VAT1L: variants seen among roughly 807,000 people sequenced by gnomAD.
VAT1L encodes putative NADPH-dependent quinone oxidoreductase VAT1L.
VAT1L carries 34 observed loss-of-function variants against 44.1 expected under a neutral mutation model. The observed-to-expected ratio is 0.77, with a 90% CI of 0.59 to 1.03. VAT1L has a LOEUF of 1.03. Ranked by LOEUF, VAT1L falls within the 50% of genes least tolerant of loss-of-function variation. The pLI, the probability that VAT1L is intolerant of heterozygous loss-of-function variation, is 0.00. For missense variants in VAT1L, 615 were observed against 538.8 expected (o/e 1.14, Z -1.40); for synonymous variants, 253 against 202.2 (o/e 1.25, Z -2.13).
chr16:77,790,785 A>G (rs919559184), intron 1 of VAT1L, among the ~76,000 whole-genome samples: 5 of 152,244 alleles, frequency 3.3e-5, no homozygotes, highest in Non-Finnish European at 7.3e-5. Context: ...AGGAAAGAGC[A>G]TCATCTGCAG....
chr16:77,804,477 G>A (rs948543707), intron 1 of VAT1L, among the ~76,000 whole-genome samples: 1 of 152,164 alleles, frequency 6.6e-6, no homozygotes, highest in African/African-American at 2.4e-5. Flanking sequence ...CTACTGAGGT[G>A]TGTTTTGAAT....
intron 3 of VAT1L, among the ~76,000 whole-genome samples, chr16:77,844,461 T>C (rs950382647): frequency 6.6e-6 from 1 of 152,114 alleles, no homozygotes; most frequent in Non-Finnish European, 1.5e-5. Context: ...CAGACTGGAG[T>C]GCAGTGGCGC....
chr16:77,806,142 C>A (rs967510123), intron 1 of VAT1L, among the ~76,000 whole-genome samples: 7 of 151,782 alleles, frequency 4.6e-5, no homozygotes. Flanking sequence ...GGATTACAGG[C>A]CTGAGCCACA....
intron 4 of VAT1L, among the ~76,000 whole-genome samples, chr16:77,872,845 A>C (rs1043875207): frequency 3.3e-5 from 5 of 152,230 alleles, no homozygotes; most frequent in Non-Finnish European, 5.9e-5. Context: ...ACAACTCAGC[A>C]TGCACAGTGC....
At chr16:77,891,343 G>T (rs917541185) in intron 7 of VAT1L, among the ~76,000 whole-genome samples, 2 of 152,174 alleles carry the variant, frequency 1.3e-5, no homozygotes, top group Non-Finnish European at 2.9e-5. Flanking sequence ...GACAGAGCAA[G>T]ACTCCGTCTA....
intron 7 of VAT1L, among the ~76,000 whole-genome samples, chr16:77,963,828 T>C (rs146782887): frequency 1.2e-3 from 178 of 152,310 alleles, no homozygotes; most frequent in African/African-American, 4.2e-3. Flanking sequence ...TTCTCTGTGA[T>C]ACTTCCCAGC....
intron 7 of VAT1L, among the ~76,000 whole-genome samples, chr16:77,946,546 T>G (rs2017969478): frequency 3.3e-5 from 5 of 152,130 alleles, no homozygotes; most frequent in Admixed American, 3.3e-4. Flanking sequence ...CCTCCCAAAG[T>G]GCTGGGATTA....
At chr16:77,909,748 G>A (rs144068593) in intron 7 of VAT1L, among the ~76,000 whole-genome samples, 1 of 152,184 alleles carries the variant, frequency 6.6e-6, no homozygotes, top group African/African-American at 2.4e-5. Flanking sequence ...TAGGTAAGGG[G>A]GCAACGGTTC....
intron 7 of VAT1L, among the ~76,000 whole-genome samples, chr16:77,911,295 C>T (rs1288284867): frequency 6.6e-6 from 1 of 152,196 alleles, no homozygotes; most frequent in Non-Finnish European, 1.5e-5. Flanking sequence ...AGCAGCAAAA[C>T]AATGAGGTGA....
At chr16:77,822,004 T>C (rs1474040472) in intron 2 of VAT1L, among the ~76,000 whole-genome samples, 1 of 152,222 alleles carries the variant, frequency 6.6e-6, no homozygotes, top group Non-Finnish European at 1.5e-5. Flanking sequence ...TTTTCCAGCA[T>C]GCCCATAAGG....
intron 7 of VAT1L, among the ~76,000 whole-genome samples, chr16:77,912,750 CTG>C (rs1183847686): frequency 1.3e-5 from 2 of 152,120 alleles, no homozygotes; most frequent in African/African-American, 4.8e-5. Flanking sequence ...AAAACAAAGA[CTG>C]TGTGCTTAAA....
intron 4 of VAT1L, among the ~76,000 whole-genome samples, chr16:77,868,917 G>A (rs890693877): frequency 2.6e-5 from 4 of 152,136 alleles, no homozygotes; most frequent in Non-Finnish European, 5.9e-5. Flanking sequence ...AATATGAAAC[G>A]ACTGCAGACC....
At chr16:77,958,827 G>A (rs1443891633) in intron 7 of VAT1L, among the ~76,000 whole-genome samples, 3 of 152,078 alleles carry the variant, frequency 2.0e-5, no homozygotes, top group Non-Finnish European at 2.9e-5. Context: ...CTTCTCCTTC[G>A]AAGAACATTC....
At chr16:77,801,942 C>T (rs564435760) in intron 1 of VAT1L, among the ~76,000 whole-genome samples, 19 of 152,228 alleles carry the variant, frequency 1.2e-4, no homozygotes, top group African/African-American at 4.6e-4. Flanking sequence ...GTTTTGCAGC[C>T]GGAATCGACG....
intron 3 of VAT1L, 38 bp from the exon 4 acceptor site, chr16:77,862,710 C>A (rs1445103907): frequency 1.3e-6 from 2 of 1,595,866 alleles, no homozygotes; most frequent in Admixed American, 3.4e-5. Context: ...GATCTGGTGG[C>A]TCCTATGTGT....
At chr16:77,961,345 A>T (rs957497813) in intron 7 of VAT1L, among the ~76,000 whole-genome samples, 1 of 152,064 alleles carries the variant, frequency 6.6e-6, no homozygotes, top group Non-Finnish European at 1.5e-5. Flanking sequence ...ACCGGGTTCA[A>T]GGGCTTCCTT....
intron 3 of VAT1L, 101 bp from the exon 4 acceptor site, chr16:77,862,647 A>C: frequency 2.0e-6 from 2 of 990,340 alleles, no homozygotes; most frequent in East Asian, 2.7e-5. Context: ...AAAAAAAAAA[A>C]GTCAATAGTG....
chr16:77,858,425 T>A (rs79160324), intron 3 of VAT1L, among the ~76,000 whole-genome samples: 17 of 152,114 alleles, frequency 1.1e-4, no homozygotes. Context: ...GCAAATGTAA[T>A]AAGACCAAGA....
rs761215989 is a variant in VAT1L, at chr16:77,920,960, G to C, written c.1077+36158G>C. Among the ~76,000 whole-genome samples, 49 of 150,366 alleles carry C rather than the reference G, an allele frequency of 3.3e-4. 1 individual carries two copies. ...GTGTGTGTGTGTGTAGTGTGTATGT[G>C]CATATATACACACACACACATACAT... On this transcript the variant is annotated intron_variant, in intron 7 of 8. Coordinates refer to ENST00000302536, the MANE Select transcript of VAT1L (RefSeq NM_020927.3).
Sources: gnomAD v4.1 joint callset for allele counts (sites outside exome capture counted in the v4.1 genomes callset) on GRCh38, gnomAD v4.1.1 for gene constraint, MANE v1.5 for transcripts, NCBI Gene and HGNC (gene_info 2026-07-23, HGNC 2026-07-21) for gene names.